Variants in ARHGAP6 observed in about 807,000 individuals in gnomAD.
ARHGAP6 encodes Rho GTPase activating protein 6.
In ARHGAP6, 16 loss-of-function variants were observed where a neutral mutation model predicts 55.7. The ratio of observed to expected loss-of-function variants is 0.29; its 90% CI spans 0.19 to 0.44. The LOEUF (loss-of-function observed/expected upper bound fraction) is 0.44, where lower values mean the gene tolerates loss of function less well. Ranked by LOEUF, ARHGAP6 falls within the 20% of genes least tolerant of loss-of-function variation. ARHGAP6 has a pLI of 1.00. For missense variants in ARHGAP6, 698 were observed against 808.9 expected (o/e 0.86, Z 1.66); for synonymous variants, 382 against 360.9 (o/e 1.06, Z -0.66).
chrX:11,405,917 A>AT (rs1190426721), intron 1 of ARHGAP6, among the ~76,000 whole-genome samples: 3 of 109,864 alleles, frequency 2.7e-5, no homozygotes, highest in East Asian at 2.8e-4. Context: ...GTTGTAAGGA[A>AT]TTTTTTTTTA....
At chrX:11,275,872 C>G (rs988514307) in intron 1 of ARHGAP6, among the ~76,000 whole-genome samples, 1 of 111,587 alleles carries the variant, frequency 9.0e-6, no homozygotes, top group Non-Finnish European at 1.9e-5. Flanking sequence ...TGAGCATCAC[C>G]TCCTCTGAGA....
chrX:11,405,874 T>A (rs1603183532), intron 1 of ARHGAP6, among the ~76,000 whole-genome samples: 1 of 111,343 alleles, frequency 9.0e-6, no homozygotes, highest in African/African-American at 3.3e-5. Context: ...AGTTTCCTCA[T>A]CTATAAAATG....
chrX:11,352,742 T>G (rs1057337956), intron 1 of ARHGAP6, among the ~76,000 whole-genome samples: 9 of 111,541 alleles, frequency 8.1e-5, no homozygotes, highest in African/African-American at 2.9e-4. Flanking sequence ...AATATTCCAG[T>G]ACCCATGGGG....
At chrX:11,497,946 C>T (rs2050640370) in intron 1 of ARHGAP6, among the ~76,000 whole-genome samples, 2 of 110,899 alleles carry the variant, frequency 1.8e-5, no homozygotes, top group African/African-American at 6.6e-5. Context: ...TGGCTGCCAC[C>T]TCTTTATCTT....
At chrX:11,287,304 ATT>A (rs765097645) in intron 1 of ARHGAP6, among the ~76,000 whole-genome samples, 1 of 111,779 alleles carries the variant, frequency 8.9e-6, no homozygotes, top group African/African-American at 3.3e-5. Context: ...TAATGTTATC[ATT>A]TGATCTGGGG....
At chrX:11,375,992 C>A (rs953685867) in intron 1 of ARHGAP6, among the ~76,000 whole-genome samples, 49 of 108,307 alleles carry the variant, frequency 4.5e-4, no homozygotes, top group African/African-American at 1.5e-3. Context: ...AGGATAGTAA[C>A]AATAAGGGAA....
chrX:11,365,699 A>T (rs183620727), intron 1 of ARHGAP6, among the ~76,000 whole-genome samples: 1 of 112,482 alleles, frequency 8.9e-6, no homozygotes, highest in East Asian at 2.8e-4. Flanking sequence ...TTATAAAATG[A>T]ATGCAGAAAA....
chrX:11,304,777 CTTTTTTTTTTTTTTT>C (rs953912280), intron 1 of ARHGAP6, among the ~76,000 whole-genome samples: 2 of 50,308 alleles, frequency 4.0e-5, no homozygotes, highest in Non-Finnish European at 7.4e-5. Flanking sequence ...CTTTCTTTTA[CTTTTTTTTTTTTTTT>C]TTTTTTTTTT....
At chrX:11,391,898 A>G (rs868578806) in intron 1 of ARHGAP6, among the ~76,000 whole-genome samples, 2 of 112,033 alleles carry the variant, frequency 1.8e-5, no homozygotes, top group Non-Finnish European at 3.8e-5. Flanking sequence ...TGTTCTAAGG[A>G]ACACACTTGG....
chrX:11,507,324 G>A (rs750964307), intron 1 of ARHGAP6, among the ~76,000 whole-genome samples: 1 of 111,114 alleles, frequency 9.0e-6, no homozygotes, highest in Admixed American at 9.6e-5. Flanking sequence ...GGATGGACAT[G>A]GCAGCACAGC....
intron 1 of ARHGAP6, among the ~76,000 whole-genome samples, chrX:11,319,739 T>C (rs894287051): frequency 8.9e-6 from 1 of 112,483 alleles, no homozygotes. Context: ...CCCAGGAGAA[T>C]ACTTAAATCG....
At chrX:11,445,720 C>T (rs753055920) in intron 1 of ARHGAP6, among the ~76,000 whole-genome samples, 18 of 111,390 alleles carry the variant, frequency 1.6e-4, no homozygotes, top group African/African-American at 4.9e-4. Context: ...GTTGTCGTGA[C>T]GAGGGTCAGG....
intron 1 of ARHGAP6, among the ~76,000 whole-genome samples, chrX:11,410,478 G>A (rs1326365495): frequency 8.9e-6 from 1 of 112,080 alleles, no homozygotes; most frequent in Non-Finnish European, 1.9e-5. Context: ...TAGCATTGGT[G>A]GAGGAGATAA....
intron 1 of ARHGAP6, among the ~76,000 whole-genome samples, chrX:11,350,872 G>A (rs12156860): frequency 0.022 from 2,300 of 103,106 alleles, 33 homozygotes; most frequent in Middle Eastern, 0.068. Flanking sequence ...AAGAGCTCCC[G>A]GGGGAAAAAA....
chrX:11,358,485 C>CTTT (rs1555998517), intron 1 of ARHGAP6, among the ~76,000 whole-genome samples: 1 of 39,506 alleles, frequency 2.5e-5, no homozygotes, highest in African/African-American at 1.0e-4. Flanking sequence ...TTCTTTCTTT[C>CTTT]TTTTTTTTTT....
intron 1 of ARHGAP6, among the ~76,000 whole-genome samples, chrX:11,394,658 T>A (rs963747685): frequency 2.7e-4 from 30 of 111,785 alleles, no homozygotes; most frequent in Admixed American, 8.5e-4. Context: ...TGTATCATTT[T>A]CCTTCCTAGG....
intron 1 of ARHGAP6, among the ~76,000 whole-genome samples, chrX:11,381,027 T>C (rs1354817496): frequency 1.8e-5 from 2 of 112,735 alleles, no homozygotes; most frequent in Non-Finnish European, 3.8e-5. Context: ...AGCTTCGGTA[T>C]GAGTATGCCT....
chrX:11,312,736 C>G (rs2048315443), intron 1 of ARHGAP6, among the ~76,000 whole-genome samples: 1 of 111,491 alleles, frequency 9.0e-6, no homozygotes, highest in African/African-American at 3.3e-5. Context: ...TTTATCCACC[C>G]AGTTAGTTGA....
intron 1 of ARHGAP6, among the ~76,000 whole-genome samples, chrX:11,535,801 T>C (rs1342217866): frequency 8.9e-6 from 1 of 111,949 alleles, no homozygotes; most frequent in Non-Finnish European, 1.9e-5. Flanking sequence ...GAATCTGTGA[T>C]ATGTTCAAAG....
Sources: gnomAD v4.1 joint callset for allele counts (sites outside exome capture counted in the v4.1 genomes callset) on GRCh38, gnomAD v4.1.1 for gene constraint, MANE v1.5 for transcripts, NCBI Gene and HGNC (gene_info 2026-07-23, HGNC 2026-07-21) for gene names.